The following ABCC1 variants were observed in gnomAD, a reference collection of about 807,000 sequenced individuals.
ABCC1 encodes ATP binding cassette subfamily C member 1 (ABCC1 blood group).
ABCC1 carries 83 observed loss-of-function variants against 172.9 expected under a neutral mutation model. The observed-to-expected ratio is 0.48, with a 90% CI of 0.40 to 0.58. The LOEUF (loss-of-function observed/expected upper bound fraction) is 0.58. Among genes scored for constraint, ABCC1 ranks in the 20% least tolerant of loss-of-function variants. The pLI is 0.00. For synonymous variants in ABCC1, 937 were observed against 825.2 expected, an observed-to-expected ratio of 1.14 and a Z score of -2.32; for missense variants, 1,817 against 2,002.7, an observed-to-expected ratio of 0.91 and a Z score of 1.77.
At chr16:15,997,085 C>T (rs1048808205) in intron 1 of ABCC1, among the ~76,000 whole-genome samples, 5 of 138,444 alleles carry the variant, frequency 3.6e-5, no homozygotes, top group South Asian at 2.4e-4. Context: ...GGAGGACATG[C>T]GCTTTCTCTT....
At chr16:16,059,973 G>A (rs1179662400) in intron 12 of ABCC1, among the ~76,000 whole-genome samples, 1 of 151,962 alleles carries the variant, frequency 6.6e-6, no homozygotes, top group Non-Finnish European at 1.5e-5. Flanking sequence ...TCTAAGCCTG[G>A]GCAACAGAAC....
chr16:15,972,335 C>T (rs534062603), intron 1 of ABCC1, among the ~76,000 whole-genome samples: 4 of 152,300 alleles, frequency 2.6e-5, no homozygotes, highest in African/African-American at 9.6e-5. Context: ...AGCCCTACTT[C>T]AGCAGCCTAA....
intron 28 of ABCC1, among the ~76,000 whole-genome samples, chr16:16,135,664 C>G (rs534101080): frequency 6.6e-6 from 1 of 152,124 alleles, no homozygotes; most frequent in Non-Finnish European, 1.5e-5. Flanking sequence ...CCATGTTACC[C>G]AGGCTGGTCT....
chr16:15,964,542 T>G (rs1451803844), intron 1 of ABCC1, among the ~76,000 whole-genome samples: 2 of 152,222 alleles, frequency 1.3e-5, no homozygotes, highest in East Asian at 3.8e-4. Flanking sequence ...ACCATATCAG[T>G]AATCTCTTGG....
rs142882432 is a variant in ABCC1 at position 15,954,135 on chromosome 16, G to A, written c.48+4336G>A. Reference sequence around the variant, plus strand: ...TGATTCCCCTGCCTCAGGCTCCCGAGTAGCTGGGATTACAGGCGCACAGCC... The same window carrying A: ...TGATTCCCCTGCCTCAGGCTCCCGAATAGCTGGGATTACAGGCGCACAGCC... On this transcript the variant is annotated intron_variant, in intron 1 of 30. Transcript: ENST00000399410. 3.3e-5 allele frequency among the ~76,000 whole-genome samples: 5 copies of A among 151,320 alleles called. 1 individual carries two copies. In the East Asian group the frequency reaches 9.7e-4, roughly 29 times the overall value.
chr16:16,069,570 A>G (rs1000384034), intron 13 of ABCC1, among the ~76,000 whole-genome samples: 2 of 152,068 alleles, frequency 1.3e-5, no homozygotes, highest in Non-Finnish European at 2.9e-5. Context: ...TGAAAACTCC[A>G]TTTTAACTAC....
At chr16:16,092,819 G>A (rs560456295) in intron 19 of ABCC1, among the ~76,000 whole-genome samples, 2 of 152,146 alleles carry the variant, frequency 1.3e-5, no homozygotes, top group Non-Finnish European at 2.9e-5. Flanking sequence ...GTGAAACCTC[G>A]TCTCTACTGA....
intron 23 of ABCC1, among the ~76,000 whole-genome samples, chr16:16,117,576 G>A (rs1042958680): frequency 2.0e-5 from 3 of 152,170 alleles, no homozygotes; most frequent in African/African-American, 4.8e-5. Context: ...GGAAAGTGCC[G>A]TGTTTTAGCT....
intron 13 of ABCC1, among the ~76,000 whole-genome samples, chr16:16,069,370 GTTT>G (rs922437115): frequency 6.7e-6 from 1 of 148,994 alleles, no homozygotes; most frequent in African/African-American, 2.5e-5. Flanking sequence ...GTAAGACCCT[GTTT>G]TTTTTTGTTT....
chr16:16,050,834 G>T (rs1431232304), intron 10 of ABCC1, among the ~76,000 whole-genome samples: 1 of 151,614 alleles, frequency 6.6e-6, no homozygotes, highest in Non-Finnish European at 1.5e-5. Context: ...GCCTAGGAGT[G>T]CAGAGGCTGC....
chr16:16,090,392 C>T lies in ABCC1; in HGVS notation c.2461-13C>T. ...TGTGCACTCACGTGGCCGGGTGTCC[C>T]CTTTGCCCACAGACGCGGATCTTGG... is the stretch of plus-strand genomic sequence containing the variant. On this transcript the variant is annotated splice_polypyrimidine_tract_variant and intron_variant, in intron 18 of 30. Coordinates refer to ENST00000399410, the MANE Select transcript of ABCC1 (RefSeq NM_004996.4). 1 of 1,574,864 alleles carries T rather than the reference C, an allele frequency of 6.3e-7. No individual in the cohort carries two copies. Among genetic ancestry groups the T allele is most frequent in the Non-Finnish European group, 8.7e-7 (1 of 1,156,058 alleles).
At chr16:16,105,972 A>T (rs1423912808) in intron 20 of ABCC1, among the ~76,000 whole-genome samples, 2 of 145,786 alleles carry the variant, frequency 1.4e-5, no homozygotes, top group Non-Finnish European at 3.0e-5. Context: ...TGCCTCTGGG[A>T]TTCAAGCGAT....
chr16:16,129,734 C>T (rs886551175), intron 26 of ABCC1, among the ~76,000 whole-genome samples: 2 of 152,084 alleles, frequency 1.3e-5, no homozygotes, highest in Non-Finnish European at 2.9e-5. Flanking sequence ...GCCAGGGTTT[C>T]ACCATGTTGG....
intron 23 of ABCC1, among the ~76,000 whole-genome samples, chr16:16,119,751 T>C (rs1382457452): frequency 6.6e-6 from 1 of 152,142 alleles, no homozygotes; most frequent in Non-Finnish European, 1.5e-5. Context: ...TTCCAGTAAG[T>C]AAGGTTCAGA....
intron 1 of ABCC1, among the ~76,000 whole-genome samples, chr16:15,960,573 T>C (rs1460756713): frequency 2.0e-5 from 3 of 152,128 alleles, no homozygotes; most frequent in Non-Finnish European, 4.4e-5. Flanking sequence ...TGATTTCAGA[T>C]GCTGGCAAGT....
rs2049598312 is a variant in ABCC1, at chr16:16,055,242, A to C, written c.1474-850A>C. Among the ~76,000 whole-genome samples, 3 of 152,002 alleles carry C rather than the reference A, an allele frequency of 2.0e-5. No homozygotes were observed. In the South Asian group the frequency reaches 6.2e-4, roughly 32 times the overall value. ...GAGATGATGTTTCCAAAAAAAAAGA[A>C]AACTGGGCTGACAAGAAATAAGAAA... On this transcript the variant is annotated intron_variant, in intron 11 of 30. Transcript: ENST00000399410.
chr16:16,111,946 C>T (rs1174405989), intron 22 of ABCC1, among the ~76,000 whole-genome samples: 2 of 152,148 alleles, frequency 1.3e-5, no homozygotes, highest in South Asian at 2.1e-4. Context: ...CTTTTGCCTG[C>T]TGAGTGAGGG....
At chr16:16,103,730 A>G (rs1226608013) in intron 20 of ABCC1, among the ~76,000 whole-genome samples, 1 of 152,180 alleles carries the variant, frequency 6.6e-6, no homozygotes, top group African/African-American at 2.4e-5. Context: ...AGGAGAGAGC[A>G]AAGACCATGC....
Position 16,086,934 on chromosome 16 carries a change from T to C in ABCC1, c.2403T>C (p.His801=). The C allele has an allele frequency of 6.2e-7, 1 of 1,614,198 alleles. No homozygotes were observed. The highest frequency in any genetic ancestry group is 1.3e-5 in the African/African-American group (1 of 75,066). The change falls in exon 18 of 31, where the codon CAT becomes CAC. Residue 801 remains histidine (H), a synonymous_variant. Transcript: ENST00000399410. ...FDDPLSAVDA[H]VGKHIFENVI... is the part of the protein sequence containing the mutation. ...ATCCCCTCTCAGCAGTGGATGCCCATGTGGGAAAACACATCTTTGAAAATG... is the reference window on the plus strand; with the variant it reads ...ATCCCCTCTCAGCAGTGGATGCCCACGTGGGAAAACACATCTTTGAAAATG...
Sources: allele counts gnomAD v4.1 joint callset (sites outside exome capture counted in the v4.1 genomes callset), GRCh38; gene constraint gnomAD v4.1.1; transcripts MANE v1.5; gene names NCBI Gene and HGNC (gene_info 2026-07-23, HGNC 2026-07-21).